The following ZFP2 variants were observed in gnomAD, a reference collection of about 807,000 sequenced individuals.
ZFP2 encodes the protein zinc finger protein ZFP2.
A neutral mutation model predicts 36.1 loss-of-function variants in ZFP2; 33 were observed. The ratio of observed to expected loss-of-function variants is 0.92; its 90% CI spans 0.69 to 1.22. The LOEUF (loss-of-function observed/expected upper bound fraction) is 1.22. ZFP2 is among the 50% of genes most tolerant of loss of function. The pLI, the probability that ZFP2 is intolerant of heterozygous loss-of-function variation, is 0.00. For synonymous variants in ZFP2, 170 were observed against 178.0 expected (o/e 0.96, Z 0.36); for missense variants, 522 against 551.4 (o/e 0.95, Z 0.53).
intron 4 of ZFP2, among the ~76,000 whole-genome samples, chr5:178,922,935 T>C (rs768954305): frequency 6.7e-6 from 1 of 149,556 alleles, no homozygotes; most frequent in African/African-American, 2.4e-5. Context: ...TTGAAAGCTA[T>C]ATAATTTCCT....
intron 4 of ZFP2, chr5:178,922,779 G>T: frequency 6.7e-7 from 1 of 1,489,822 alleles, no homozygotes; most frequent in Non-Finnish European, 9.1e-7. Flanking sequence ...GCAGAAATGT[G>T]TGTGGTCAAA....
intron 4 of ZFP2, 117 bp downstream of exon 4, chr5:178,916,827 T>A: frequency 1.3e-6 from 1 of 757,044 alleles, no homozygotes; most frequent in South Asian, 5.9e-5. Context: ...AGTTTAATGG[T>A]AATTCTCGCT....
chr5:178,926,560 A>G (rs1485848300), intron 4 of ZFP2, among the ~76,000 whole-genome samples: 1 of 151,256 alleles, frequency 6.6e-6, no homozygotes, highest in Non-Finnish European at 1.5e-5. Context: ...TGTGTCGCCC[A>G]GGCTGGAGTG....
chr5:178,896,525 G>A (rs1757944994), intron 1 of ZFP2, among the ~76,000 whole-genome samples: 1 of 152,218 alleles, frequency 6.6e-6, no homozygotes, highest in Non-Finnish European at 1.5e-5. Flanking sequence ...ATCTCATTCC[G>A]AGAGCGCTGG....
rs1016394129 is a variant in ZFP2 at position 178,931,249 on chromosome 5, G to A, written c.-65G>A. ...TTTTTTTTTTCAGACTGGGAGACAA[G>A]ACTTGAAACCAAAGAGCCAACTCCG... On this transcript the variant is annotated 5_prime_UTR_variant, in exon 5 of 5. Transcript: ENST00000361362. The A allele has an allele frequency of 5.3e-6, 8 of 1,511,442 alleles. No homozygotes were observed. The highest frequency in any genetic ancestry group is 7.1e-6 in the Non-Finnish European group (8 of 1,134,212). The allele number at this position is 1,511,442 out of a possible 1,614,324, so 93.6% of individuals were successfully genotyped here. A position where few individuals can be genotyped will look rare whatever the true frequency, so the allele number is the denominator to read the frequency against.
chr5:178,896,324 G>T (rs952624313), intron 1 of ZFP2, among the ~76,000 whole-genome samples: 5 of 152,222 alleles, frequency 3.3e-5, no homozygotes, highest in African/African-American at 4.8e-5. Context: ...GGGGCCCAAG[G>T]TTCCAAGAGT....
chr5:178,906,353 G>C (rs1344187852), intron 1 of ZFP2, among the ~76,000 whole-genome samples: 1 of 152,162 alleles, frequency 6.6e-6, no homozygotes, highest in Admixed American at 6.5e-5. Context: ...TCACCAAAAA[G>C]AGGCTTATTT....
intron 1 of ZFP2, among the ~76,000 whole-genome samples, chr5:178,897,267 T>G (rs542756103): frequency 1.3e-5 from 2 of 152,364 alleles, no homozygotes; most frequent in Non-Finnish European, 2.9e-5. Flanking sequence ...GTTAGTATTC[T>G]CTTGAACTTC....
intron 3 of ZFP2, among the ~76,000 whole-genome samples, chr5:178,915,399 C>T (rs1212913232): frequency 9.5e-5 from 14 of 147,092 alleles, no homozygotes; most frequent in East Asian, 2.0e-4. Context: ...CTGCAACCTC[C>T]GCCTTCCAGG....
intron 3 of ZFP2, among the ~76,000 whole-genome samples, chr5:178,915,174 A>G (rs1758392324): frequency 6.6e-6 from 1 of 152,014 alleles, no homozygotes; most frequent in Admixed American, 6.6e-5. Context: ...TATTTTATTG[A>G]TGCCATTTTC....
intron 4 of ZFP2, among the ~76,000 whole-genome samples, chr5:178,929,942 T>TGGGGG (rs66712212): frequency 9.7e-4 from 128 of 131,646 alleles, no homozygotes; most frequent in Non-Finnish European, 1.4e-3. Flanking sequence ...TGCTTGACGG[T>TGGGGG]GGGGGGGGGG....
chr5:178,923,068 T>A (rs1192826482), intron 4 of ZFP2, among the ~76,000 whole-genome samples: 1 of 149,740 alleles, frequency 6.7e-6, no homozygotes, highest in East Asian at 1.9e-4. Context: ...TCCCAGATAG[T>A]TGAAATGTAA....
In ZFP2 at chr5:178,933,185, C is replaced by T. The variant is rs1758884973; in HGVS notation, c.*486C>T. The stretch of plus-strand genomic sequence containing the variant: ...CTCTGTTAGCTCTAAAATGCTACAA[C>T]TCTATAAATATAATGAATGCTGGGA... On this transcript the variant is annotated 3_prime_UTR_variant, in exon 5 of 5. Transcript: ENST00000361362. 1 of 169,780 alleles carries T rather than the reference C, an allele frequency of 5.9e-6. No individual in the cohort carries two copies. Among genetic ancestry groups the T allele is most frequent in the Non-Finnish European group, 1.4e-5 (1 of 70,010 alleles). The allele number at this position is 169,780 out of a possible 1,614,324, so 10.5% of individuals were successfully genotyped here. A position where few individuals can be genotyped will look rare whatever the true frequency, so the allele number is the denominator to read the frequency against.
chr5:178,899,243 T>A (rs1757997284), intron 1 of ZFP2, among the ~76,000 whole-genome samples: 2 of 152,198 alleles, frequency 1.3e-5, no homozygotes, highest in African/African-American at 4.8e-5. Flanking sequence ...TATTTTCTCA[T>A]GGTCATAATA....
At chr5:178,903,861 C>T (rs938974929) in intron 1 of ZFP2, among the ~76,000 whole-genome samples, 6 of 152,100 alleles carry the variant, frequency 3.9e-5, no homozygotes, top group Non-Finnish European at 5.9e-5. Context: ...CATGGTGGCA[C>T]GTGCCTGTAG....
At chr5:178,929,967 C>T (rs1429350051) in intron 4 of ZFP2, among the ~76,000 whole-genome samples, 2 of 148,540 alleles carry the variant, frequency 1.3e-5, no homozygotes, top group African/African-American at 2.4e-5. Flanking sequence ...AGGAGGCTTA[C>T]AGTCATGGCA....
intron 4 of ZFP2, chr5:178,922,809 A>G: frequency 1.5e-6 from 2 of 1,351,746 alleles, no homozygotes; most frequent in South Asian, 1.4e-5. Context: ...TTCCATTTAC[A>G]GCACTGTTTT....
At chr5:178,917,207 C>T (rs1030367408) in intron 4 of ZFP2, among the ~76,000 whole-genome samples, 1 of 152,154 alleles carries the variant, frequency 6.6e-6, no homozygotes, top group Non-Finnish European at 1.5e-5. Flanking sequence ...AAAGTACTAT[C>T]AAAGATTATG....
chr5:178,911,257 T>C (rs2113080361), intron 1 of ZFP2, among the ~76,000 whole-genome samples: 2 of 152,368 alleles, frequency 1.3e-5, no homozygotes, highest in South Asian at 4.1e-4. Context: ...GTCTTGGATG[T>C]GAAGTACACA....
Sources: gnomAD v4.1 joint callset for allele counts (sites outside exome capture counted in the v4.1 genomes callset) on GRCh38, gnomAD v4.1.1 for gene constraint, MANE v1.5 for transcripts, NCBI Gene and HGNC (gene_info 2026-07-23, HGNC 2026-07-21) for gene names.